Variants in PCDH19 observed in about 807,000 individuals in gnomAD.
PCDH19 encodes protocadherin 19, also known as protocadherin-19.
PCDH19 carries 6 observed loss-of-function variants against 46.2 expected under a neutral mutation model. That is an observed-to-expected ratio of 0.13 (90% CI 0.07 to 0.26). The LOEUF is 0.26. PCDH19 is among the 10% of genes least tolerant of loss of function. The pLI is 1.00. For missense variants in PCDH19, 740 were observed against 972.3 expected, an observed-to-expected ratio of 0.76 and a Z score of 3.18; for synonymous variants, 481 against 415.7, an observed-to-expected ratio of 1.16 and a Z score of -1.91.
intron 3 of PCDH19, among the ~76,000 whole-genome samples, chrX:100,383,400 G>C (rs1025098736): frequency 3.6e-5 from 4 of 111,631 alleles, no homozygotes; most frequent in Admixed American, 2.9e-4. Flanking sequence ...AAAACATGGA[G>C]CGCTCCATAC....
chrX:100,368,667 A>G (rs1927136687), intron 3 of PCDH19, among the ~76,000 whole-genome samples: 1 of 98,806 alleles, frequency 1.0e-5, no homozygotes, highest in Non-Finnish European at 2.0e-5. Flanking sequence ...GACCCCATTC[A>G]GTGCCCAAAA....
chrX:100,400,571 C>T (rs899247355), intron 3 of PCDH19, among the ~76,000 whole-genome samples: 20 of 112,732 alleles, frequency 1.8e-4, no homozygotes, highest in African/African-American at 5.2e-4. Flanking sequence ...AAGTAGTCTA[C>T]GGCCTAGGCC....
chrX:100,372,237 G>GA (rs1448758895), intron 3 of PCDH19, among the ~76,000 whole-genome samples: 4 of 110,539 alleles, frequency 3.6e-5, no homozygotes, highest in African/African-American at 1.3e-4. Flanking sequence ...CTCCACCTCA[G>GA]AAAAAAAGAA....
At position 100,406,975 on chromosome X, in the gene PCDH19, G is replaced by C. The variant is rs773600167; in HGVS notation, c.1623C>G (p.Pro541=). 13 of 1,210,235 alleles carry C rather than the reference G, an allele frequency of 1.1e-5. No individual in the cohort carries two copies. The highest frequency in any genetic ancestry group is 1.5e-5 in the Non-Finnish European group (13 of 895,327). ...FKVLAKDGGL[P]SLQSNATVRV... ...GCACCGTAGCGTTGCTTTGCAGTGA[G>C]GGAAGGCCGCCGTCCTTGGCCAGCA... Residue 541 remains proline, a synonymous_variant, in exon 1 of 6, where the codon CCC becomes CCG. Coordinates refer to ENST00000373034, the MANE Select transcript of PCDH19 (RefSeq NM_001184880.2).
rs1423081533 is a variant in PCDH19 at position 100,296,224 on chromosome X, C to G, written c.*53G>C. ...TGGTGAGCAATTAAAACAAGAAGCT[C>G]CTGCTTCTTCACTAGCCAGTGTGGT... On this transcript the variant is annotated 3_prime_UTR_variant, in exon 6 of 6. Coordinates refer to ENST00000373034, the MANE Select transcript of PCDH19 (RefSeq NM_001184880.2). 3.0e-6 allele frequency: 3 copies of G among 987,765 alleles called. No homozygotes were observed. The highest frequency in any genetic ancestry group is 4.3e-6 in the Non-Finnish European group (3 of 691,572). The allele number at this position is 987,765 out of a possible 1,213,427, so 81.4% of individuals were successfully genotyped here.
chrX:100,386,818 C>T, intron 3 of PCDH19, among the ~76,000 whole-genome samples: 1 of 112,009 alleles, frequency 8.9e-6, no homozygotes, highest in Non-Finnish European at 1.9e-5. Context: ...ATCAAATGCT[C>T]CATGCTGTAA....
chrX:100,322,865 A>ATATATATATATATATATTTTT, intron 5 of PCDH19, among the ~76,000 whole-genome samples: 1 of 54,418 alleles, frequency 1.8e-5, no homozygotes, highest in African/African-American at 8.4e-5. Flanking sequence ...ATATATATAT[A>ATATATATATATATATATTTTT]TTTTTGCAGC....
intron 5 of PCDH19, among the ~76,000 whole-genome samples, chrX:100,334,074 G>A (rs1926004767): frequency 9.0e-6 from 1 of 110,905 alleles, no homozygotes; most frequent in Non-Finnish European, 1.9e-5. Context: ...ACAGGCATGA[G>A]CCACCATGCC....
chrX:100,382,550 C>T (rs773686280), intron 3 of PCDH19, among the ~76,000 whole-genome samples: 1 of 111,700 alleles, frequency 9.0e-6, no homozygotes, highest in African/African-American at 3.3e-5. Flanking sequence ...CCCAGGTCTG[C>T]GGAAGCAGCA....
chrX:100,398,188 C>T (rs1350611134), intron 3 of PCDH19, among the ~76,000 whole-genome samples: 1 of 112,261 alleles, frequency 8.9e-6, no homozygotes, highest in Non-Finnish European at 1.9e-5. Context: ...GCATCCTCCA[C>T]TTTGCCCCTC....
rs1555985739 is a variant in PCDH19 at position 100,408,283 on chromosome X, G to A, written c.315C>T (p.Val105=). 2.5e-6 allele frequency: 3 copies of A among 1,211,527 alleles called. No homozygotes were observed. In the African/African-American group the frequency reaches 5.2e-5, roughly 21 times the overall value. Residue 105 remains valine, a synonymous_variant, in exon 1 of 6, where the codon GTC becomes GTT. Transcript: ENST00000373034. The stretch of plus-strand genomic sequence containing the variant: ...CGCAGATTTCCATTGAGCTGGACAT[G>A]ACCTCGAGCGAGATGATGCACTTGG... The part of the protein sequence containing the change: ...QSPKCIISLE[V]MSSSMEICVI...
intron 5 of PCDH19, among the ~76,000 whole-genome samples, chrX:100,335,248 A>C (rs1259873176): frequency 9.0e-6 from 1 of 111,709 alleles, no homozygotes; most frequent in African/African-American, 3.3e-5. Flanking sequence ...CCTGCCCAAA[A>C]ACTGCTGAGA....
chrX:100,387,252 A>G (rs1416220353), intron 3 of PCDH19, among the ~76,000 whole-genome samples: 1 of 112,048 alleles, frequency 8.9e-6, no homozygotes, highest in East Asian at 2.8e-4. Context: ...TTACTAGATG[A>G]GGAAGCAATC....
intron 4 of PCDH19, among the ~76,000 whole-genome samples, chrX:100,343,480 G>A (rs1407307517): frequency 1.8e-5 from 2 of 111,982 alleles, no homozygotes; most frequent in Non-Finnish European, 3.8e-5. Context: ...TAGGTAAAAT[G>A]ATTCTTGCAT....
intron 3 of PCDH19, among the ~76,000 whole-genome samples, chrX:100,376,884 C>T (rs937377610): frequency 1.8e-5 from 2 of 112,348 alleles, no homozygotes; most frequent in Non-Finnish European, 3.8e-5. Context: ...GAATGCTGAG[C>T]AATAAAATCA....
At chrX:100,342,185 G>C (rs761213143) in intron 4 of PCDH19, 110 bp from the exon 5 acceptor site, 1 of 646,753 alleles carries the variant, frequency 1.5e-6, no homozygotes, top group Non-Finnish European at 2.5e-6. Context: ...TGGCTAGACT[G>C]TCCAATAGGG....
At chrX:100,306,903 T>C (rs908009171) in intron 5 of PCDH19, among the ~76,000 whole-genome samples, 10 of 111,424 alleles carry the variant, frequency 9.0e-5, no homozygotes, top group African/African-American at 3.3e-4. Context: ...AGCAGTGAGA[T>C]TGAAATGGTA....
At chrX:100,328,724 G>A in intron 5 of PCDH19, among the ~76,000 whole-genome samples, 1 of 111,768 alleles carries the variant, frequency 8.9e-6, no homozygotes. Context: ...ACCAACTACA[G>A]AACCAACTTT....
At chrX:100,312,002 A>G (rs1448300185) in intron 5 of PCDH19, among the ~76,000 whole-genome samples, 1 of 111,585 alleles carries the variant, frequency 9.0e-6, no homozygotes, top group Non-Finnish European at 1.9e-5. Context: ...ATTGCAACAA[A>G]GAAAAGCTTA....
Sources: gnomAD v4.1 joint callset for allele counts (sites outside exome capture counted in the v4.1 genomes callset) on GRCh38, gnomAD v4.1.1 for gene constraint, MANE v1.5 for transcripts, NCBI Gene and HGNC (gene_info 2026-07-23, HGNC 2026-07-21) for gene names.